Variants in AGTPBP1 observed in about 807,000 individuals in gnomAD.
The protein encoded by AGTPBP1 is ATP/GTP binding carboxypeptidase 1.
Under a neutral mutation model 143.9 loss-of-function variants are expected in AGTPBP1, and 70 were observed. The observed-to-expected ratio is 0.49, with a 90% CI of 0.40 to 0.59. The LOEUF (loss-of-function observed/expected upper bound fraction) is 0.59. Among genes scored for constraint, AGTPBP1 ranks in the 20% least tolerant of loss-of-function variants. The pLI is 0.00. For missense variants in AGTPBP1, 1,229 were observed against 1,464.5 expected, an observed-to-expected ratio of 0.84 and a Z score of 2.62; for synonymous variants, 463 against 500.2, an observed-to-expected ratio of 0.93 and a Z score of 0.99.
intron 11 of AGTPBP1, among the ~76,000 whole-genome samples, chr9:85,648,737 G>A (rs1011418055): frequency 1.8e-4 from 28 of 152,208 alleles, no homozygotes; most frequent in African/African-American, 5.3e-4. Flanking sequence ...GCGTGAACCC[G>A]GGAGGTGGAG....
At chr9:85,691,040 T>C (rs996239464) in intron 3 of AGTPBP1, among the ~76,000 whole-genome samples, 1 of 152,192 alleles carries the variant, frequency 6.6e-6, no homozygotes, top group Non-Finnish European at 1.5e-5. Context: ...TTGGGTTTTT[T>C]GTTTGGTTGG....
At chr9:85,646,794 T>G (rs974614424) in intron 11 of AGTPBP1, among the ~76,000 whole-genome samples, 1 of 152,224 alleles carries the variant, frequency 6.6e-6, no homozygotes, top group Non-Finnish European at 1.5e-5. Context: ...TGCCACATAC[T>G]GTGCTATATG....
intron 11 of AGTPBP1, among the ~76,000 whole-genome samples, chr9:85,652,014 T>C (rs1833192571): frequency 1.3e-5 from 2 of 152,144 alleles, no homozygotes; most frequent in African/African-American, 4.8e-5. Flanking sequence ...ATGTGACTCT[T>C]TGTGGGCCCC....
chr9:85,775,889 A>G, the AGTPBP1 span, among the ~76,000 whole-genome samples: 3 of 152,090 alleles, frequency 2.0e-5, no homozygotes, highest in Admixed American at 2.0e-4. Context: ...ACTGACTCAA[A>G]TGTTAACCTC....
intron 23 of AGTPBP1, among the ~76,000 whole-genome samples, chr9:85,579,317 A>G (rs1828091908): frequency 6.6e-6 from 1 of 152,214 alleles, no homozygotes. Context: ...AAAACAATGG[A>G]AGAATCGTAT....
In AGTPBP1 at chr9:85,625,103, C is replaced by T. The variant is rs1005297255; in HGVS notation, c.2016-3818G>A. Among the ~76,000 whole-genome samples the T allele has an allele frequency of 4.6e-5, 7 of 152,314 alleles. 1 individual carries two copies. Among genetic ancestry groups the T allele is most frequent in the Admixed American group, 2.6e-4 (4 of 15,306 alleles). On this transcript the variant is annotated intron_variant, in intron 14 of 25. Transcript: ENST00000357081. Reference sequence around the variant, plus strand: ...GAAAAACTTTGAATGCCACTTCACACGTATGCAAACTATGTGTGCACACAG... The same window carrying T: ...GAAAAACTTTGAATGCCACTTCACATGTATGCAAACTATGTGTGCACACAG...
At chr9:85,599,563 A>AT in intron 17 of AGTPBP1, among the ~76,000 whole-genome samples, 1 of 152,280 alleles carries the variant, frequency 6.6e-6, no homozygotes, top group Middle Eastern at 3.4e-3. Context: ...ACACAAGTTA[A>AT]TTTTCACTTC....
intron 25 of AGTPBP1, among the ~76,000 whole-genome samples, chr9:85,563,963 G>A (rs187335279): frequency 3.3e-5 from 5 of 152,340 alleles, no homozygotes; most frequent in East Asian, 1.9e-4. Context: ...CATGTGTGCT[G>A]TCTCTGCTGA....
rs1248400558 is a variant in AGTPBP1 at position 85,669,568 on chromosome 9, T to C, written c.579A>G (p.Ser193=). 6.2e-7 allele frequency: 1 copy of C among 1,610,302 alleles called. No homozygotes were observed. The highest frequency in any genetic ancestry group is 1.3e-5 in the African/African-American group (1 of 74,934). ...CAACTCCATTTTTCCCTAAGGATACTGAATTCACAGCTGAGAGGGGGAGAA... is the reference window on the plus strand; with the variant it reads ...CAACTCCATTTTTCCCTAAGGATACCGAATTCACAGCTGAGAGGGGGAGAA... ...LRVYSANSVN[S]VSLGKNGVVE... Residue 193 remains serine, a synonymous_variant, in exon 8 of 26, where the codon TCA becomes TCG. Transcript: ENST00000357081.
the AGTPBP1 span, among the ~76,000 whole-genome samples, chr9:85,772,590 A>T: frequency 3.3e-5 from 5 of 152,076 alleles, no homozygotes; most frequent in South Asian, 2.1e-4. Flanking sequence ...CTACGAAAAA[A>T]TTTTTTAAAA....
At chr9:85,778,899 A>G in the AGTPBP1 span, among the ~76,000 whole-genome samples, 47 of 151,980 alleles carry the variant, frequency 3.1e-4, no homozygotes, top group African/African-American at 1.1e-3. Context: ...GAGTCACTAA[A>G]CTCCTTGCCT....
chr9:85,603,044 G>A (rs1289086541), intron 17 of AGTPBP1, among the ~76,000 whole-genome samples: 2 of 152,194 alleles, frequency 1.3e-5, no homozygotes, highest in Admixed American at 1.3e-4. Flanking sequence ...GAAGGCTAAG[G>A]CACTCTGGCG....
chr9:85,653,448 G>A (rs1007534366), intron 11 of AGTPBP1, among the ~76,000 whole-genome samples: 23 of 152,150 alleles, frequency 1.5e-4, no homozygotes, highest in African/African-American at 5.6e-4. Context: ...CCCGTGTTTG[G>A]TGAATTTACT....
At chr9:85,608,648 GATAAT>G (rs1830128983) in intron 17 of AGTPBP1, among the ~76,000 whole-genome samples, 1 of 151,704 alleles carries the variant, frequency 6.6e-6, no homozygotes. Context: ...GGAATTTGAT[GATAAT>G]ATATTAAGAT....
intron 11 of AGTPBP1, among the ~76,000 whole-genome samples, chr9:85,653,109 G>T (rs1833270245): frequency 6.6e-6 from 1 of 151,956 alleles, no homozygotes; most frequent in Non-Finnish European, 1.5e-5. Flanking sequence ...CCTGACATGT[G>T]AGAAAATAAT....
chr9:85,600,091 G>A (rs762808910), intron 17 of AGTPBP1, among the ~76,000 whole-genome samples: 17 of 152,102 alleles, frequency 1.1e-4, no homozygotes, highest in Non-Finnish European at 1.9e-4. Context: ...CCTGGCATAC[G>A]GCAAATATTC....
chr9:85,765,161 A>G, the AGTPBP1 span: 1 of 340,100 alleles, frequency 2.9e-6, no homozygotes, highest in African/African-American at 2.1e-5. Context: ...ACTGCCAGGC[A>G]TTTGGAAACT....
At chr9:85,566,483 T>TCATG (rs1309303826) in intron 25 of AGTPBP1, among the ~76,000 whole-genome samples, 1 of 132,584 alleles carries the variant, frequency 7.5e-6, no homozygotes, top group Non-Finnish European at 1.5e-5. Context: ...TGAACTATGA[T>TCATG]CATGCCACTG....
rs530828913 is a variant in AGTPBP1 at position 85,583,863 on chromosome 9, A to C, written c.3165+1600T>G. Among the ~76,000 whole-genome samples the C allele has an allele frequency of 1.1e-4, 16 of 152,216 alleles. No individual in the cohort carries two copies. The East Asian group carries it at 2.9e-3, about 28-fold the overall frequency. Reference sequence around the variant, plus strand: ...AGCTTACTACCTATTATAAAGAGAAACCCATTAATCAAATAACATAGAAAA... The same window carrying C: ...AGCTTACTACCTATTATAAAGAGAACCCCATTAATCAAATAACATAGAAAA... On this transcript the variant is annotated intron_variant, in intron 23 of 25. Coordinates refer to ENST00000357081, the MANE Select transcript of AGTPBP1 (RefSeq NM_001330701.2).
Sources: gnomAD v4.1 joint callset for allele counts (sites outside exome capture counted in the v4.1 genomes callset) on GRCh38, gnomAD v4.1.1 for gene constraint, MANE v1.5 for transcripts, NCBI Gene and HGNC (gene_info 2026-07-23, HGNC 2026-07-21) for gene names.